Variants in SEL1L2 observed in about 807,000 individuals in gnomAD.
SEL1L2 encodes SEL1L2 adaptor subunit of SYVN1 ubiquitin ligase.
Under a neutral mutation model 98.8 loss-of-function variants are expected in SEL1L2, and 89 were observed. The observed-to-expected ratio is 0.90, with a 90% CI of 0.76 to 1.07. The LOEUF (loss-of-function observed/expected upper bound fraction) is 1.07. SEL1L2 is among the 50% of genes least tolerant of loss of function. The probability of loss-of-function intolerance (pLI) is 0.00; values close to 1 mark genes in which losing one functional copy is unlikely to be tolerated. For missense variants in SEL1L2, 788 were observed against 812.0 expected, an observed-to-expected ratio of 0.97 and a Z score of 0.36; for synonymous variants, 262 against 278.5, an observed-to-expected ratio of 0.94 and a Z score of 0.59.
At chr20:13,994,759 G>T (rs1317045955), upstream of SEL1L2, among the ~76,000 whole-genome samples, 2 of 152,192 alleles carry the variant, frequency 1.3e-5, no homozygotes, top group Non-Finnish European at 2.9e-5. Context: ...CTCGGCTCTG[G>T]TTAACAGGCA....
At chr20:13,904,779 A>G (rs1271800994) in intron 5 of SEL1L2, among the ~76,000 whole-genome samples, 1 of 152,214 alleles carries the variant, frequency 6.6e-6, no homozygotes, top group East Asian at 1.9e-4. Context: ...GCAATTCTTG[A>G]TTCTGCTCAA....
intron 10 of SEL1L2, 147 bp downstream of exon 10, chr20:13,885,200 G>T: frequency 1.6e-6 from 1 of 634,420 alleles, no homozygotes. Flanking sequence ...TTCCTAAGAA[G>T]CTGGGAAGCA....
intron 1 of SEL1L2, among the ~76,000 whole-genome samples, chr20:13,960,637 T>C (rs1209520562): frequency 6.6e-6 from 1 of 152,194 alleles, no homozygotes; most frequent in African/African-American, 2.4e-5. Flanking sequence ...ACAAATAATG[T>C]GTCCCATAAT....
At chr20:13,942,763 G>C (rs548515081) in intron 2 of SEL1L2, among the ~76,000 whole-genome samples, 2 of 152,134 alleles carry the variant, frequency 1.3e-5, no homozygotes, top group East Asian at 3.9e-4. Context: ...AGCTTTCTAG[G>C]TCTTAAATAA....
intron 11 of SEL1L2, 109 bp from the exon 12 acceptor site, chr20:13,876,224 A>G (rs892050301): frequency 1.3e-6 from 1 of 770,994 alleles, no homozygotes; most frequent in African/African-American, 1.7e-5. Flanking sequence ...TGAATGTAGT[A>G]AATGCCACTG....
intron 5 of SEL1L2, among the ~76,000 whole-genome samples, chr20:13,906,574 G>T (rs2047938163): frequency 6.6e-6 from 1 of 151,944 alleles, no homozygotes; most frequent in Non-Finnish European, 1.5e-5. Context: ...GGTAATTCTA[G>T]AATTATCAAA....
intron 3 of SEL1L2, among the ~76,000 whole-genome samples, chr20:13,923,504 C>T (rs1403235315): frequency 6.6e-6 from 1 of 152,170 alleles, no homozygotes; most frequent in Non-Finnish European, 1.5e-5. Context: ...TGCAGTAGCT[C>T]ACACCTGTAA....
At chr20:13,990,316 C>G (rs1418976413) in intron 1 of SEL1L2, among the ~76,000 whole-genome samples, 161 bp downstream of exon 1, 1 of 152,152 alleles carries the variant, frequency 6.6e-6, no homozygotes, top group Non-Finnish European at 1.5e-5. Flanking sequence ...TCATTATCAT[C>G]TATTATTCTT....
At chr20:13,947,937 C>A (rs2050093549) in intron 2 of SEL1L2, among the ~76,000 whole-genome samples, 1 of 152,230 alleles carries the variant, frequency 6.6e-6, no homozygotes, top group Admixed American at 6.5e-5. Flanking sequence ...CACTCATGCA[C>A]CCTTCACCAC....
intron 3 of SEL1L2, among the ~76,000 whole-genome samples, chr20:13,928,652 A>G (rs376038438): frequency 1.9e-4 from 29 of 152,326 alleles, no homozygotes; most frequent in African/African-American, 6.5e-4. Flanking sequence ...ACATGGGTAA[A>G]AGATCGGAAG....
intron 1 of SEL1L2, among the ~76,000 whole-genome samples, chr20:13,979,384 G>A (rs1299562921): frequency 1.3e-5 from 2 of 152,102 alleles, no homozygotes; most frequent in South Asian, 2.1e-4. Flanking sequence ...TGCATATTTC[G>A]GAAAAGCTAG....
intron 3 of SEL1L2, among the ~76,000 whole-genome samples, chr20:13,924,772 T>G (rs1442757318): frequency 6.6e-6 from 1 of 152,178 alleles, no homozygotes; most frequent in Non-Finnish European, 1.5e-5. Context: ...GGATGCCTTG[T>G]TTTCATGCTT....
At chr20:13,875,953 T>G (rs2046407148) in intron 12 of SEL1L2, 85 bp downstream of exon 12, 12 of 1,058,028 alleles carry the variant, frequency 1.1e-5, no homozygotes, top group Non-Finnish European at 1.8e-5. Flanking sequence ...GGCTTGGGAC[T>G]TCGAAGTCAA....
At chr20:13,901,447 TA>T (rs1360910043) in intron 5 of SEL1L2, among the ~76,000 whole-genome samples, 2 of 152,198 alleles carry the variant, frequency 1.3e-5, no homozygotes, top group African/African-American at 2.4e-5. Flanking sequence ...TAACTTTTAC[TA>T]TGTAGTATTA....
At chr20:13,988,839 C>T (rs1160256158) in intron 1 of SEL1L2, among the ~76,000 whole-genome samples, 1 of 151,990 alleles carries the variant, frequency 6.6e-6, no homozygotes, top group African/African-American at 2.4e-5. Flanking sequence ...ATGATAAAAC[C>T]CCGTCTCTAC....
intron 1 of SEL1L2, among the ~76,000 whole-genome samples, chr20:13,960,320 A>C (rs1035290553): frequency 1.3e-5 from 2 of 152,226 alleles, no homozygotes; most frequent in Non-Finnish European, 2.9e-5. Context: ...TCAAACTGTC[A>C]GTGGTCAAAG....
Position 13,870,199 on chromosome 20 carries a change from T to C in SEL1L2, c.1109A>G (p.Asn370Ser). Residue 370 changes from asparagine (N) to serine (S), a missense_variant, in exon 13 of 20, where the codon AAT becomes AGT. Asn to Ser is a conservative substitution (Grantham distance 46). Coordinates refer to ENST00000284951, the MANE Select transcript of SEL1L2 (RefSeq NM_025229.2). ...ACCAAGCCCATGAAGGCCGATTGCA[T>C]TGCCCTAGAAGAGTTTTATAAAGCC... The part of the protein sequence containing the change: ...KYFSMAASKG[N>S]AIGLHGLGLL... 6.2e-7 allele frequency: 1 copy of C among 1,610,836 alleles called. No individual in the cohort carries two copies. Among genetic ancestry groups the C allele is most frequent in the East Asian group, 2.2e-5 (1 of 44,850 alleles).
intron 18 of SEL1L2, among the ~76,000 whole-genome samples, chr20:13,857,185 G>A (rs7272971): frequency 0.014 from 2,070 of 150,736 alleles, 47 homozygotes; most frequent in African/African-American, 0.047. Context: ...CAAGTGGGAG[G>A]TTAAGAGTAG....
intron 2 of SEL1L2, among the ~76,000 whole-genome samples, chr20:13,937,803 G>A (rs559680307): frequency 2.4e-4 from 37 of 152,292 alleles, no homozygotes; most frequent in African/African-American, 7.9e-4. Context: ...GAATATGTGA[G>A]TTTCTTTATT....
Sources: allele counts gnomAD v4.1 joint callset (sites outside exome capture counted in the v4.1 genomes callset), GRCh38; gene constraint gnomAD v4.1.1; transcripts MANE v1.5; gene names NCBI Gene and HGNC (gene_info 2026-07-23, HGNC 2026-07-21).